HEXB: variants seen among roughly 807,000 people sequenced by gnomAD.
The protein encoded by HEXB is hexosaminidase subunit beta.
HEXB carries 51 observed loss-of-function variants against 71.2 expected under a neutral mutation model. The observed-to-expected ratio is 0.72, with a 90% CI of 0.57 to 0.90. The LOEUF is 0.90. Among genes scored for constraint, HEXB ranks in the 40% least tolerant of loss-of-function variants. The probability of loss-of-function intolerance (pLI) is 0.00; values close to 1 mark genes in which losing one functional copy is unlikely to be tolerated. For missense variants in HEXB, 617 were observed against 677.0 expected, an observed-to-expected ratio of 0.91 and a Z score of 0.98; for synonymous variants, 266 against 249.3, an observed-to-expected ratio of 1.07 and a Z score of -0.63.
At chr5:74,659,372 TCC>T (rs1232041893) in intron 1 of HEXB, among the ~76,000 whole-genome samples, 1 of 151,908 alleles carries the variant, frequency 6.6e-6, no homozygotes, top group African/African-American at 2.4e-5. Context: ...CAGCACACAA[TCC>T]CCAGTGCAGG....
In HEXB at chr5:74,671,800, A is replaced by G. The variant is rs191581021; in HGVS notation, c.-376-17528A>G. 3.9e-5 allele frequency among the ~76,000 whole-genome samples: 6 copies of G among 152,354 alleles called. No individual in the cohort carries two copies. The South Asian group carries it at 8.3e-4, about 21-fold the overall frequency. On this transcript the variant is annotated intron_variant, in intron 1 of 13. Transcript: ENST00000511181. ...ACTGATATTTTTTTCAAAGCTCTCA[A>G]GATGAGCCTGATGCACAGTGAGGTT...
chr5:74,689,558 A>G (rs1444118803), intron 2 of HEXB, 85 bp downstream of exon 2: 1 of 1,062,136 alleles, frequency 9.4e-7, no homozygotes, highest in Non-Finnish European at 1.5e-6. Context: ...CATGCTAGGA[A>G]CCACTGAGTT....
At position 74,700,001 on chromosome 5, in the gene HEXB, CTTTTTTTTTTTTT is replaced by C. The variant is rs58177670; in HGVS notation, c.669+2908_669+2920del. ...TTTTATATTATAAACTGTAAGTTTC[CTTTTTTTTTTTTT>C]TTTTTTTTTTTTGAGACAGTCTTGT... On this transcript the variant is annotated intron_variant, in intron 5 of 13. Transcript: ENST00000261416. Among the ~76,000 whole-genome samples the C allele has an allele frequency of 5.0e-4, 20 of 40,366 alleles. No homozygotes were observed. In the East Asian group the frequency reaches 0.013, roughly 26 times the overall value. 26.5% of individuals were successfully genotyped at this position (40,366 alleles called of 152,430 possible).
At chr5:74,687,210 T>C (rs2112125861) in intron 1 of HEXB, among the ~76,000 whole-genome samples, 1 of 152,344 alleles carries the variant, frequency 6.6e-6, no homozygotes, top group South Asian at 2.1e-4. Flanking sequence ...CATGTGAGCA[T>C]TCTAGGAACT....
intron 1 of HEXB, among the ~76,000 whole-genome samples, chr5:74,672,038 C>A (rs1748549848): frequency 6.6e-6 from 1 of 152,192 alleles, no homozygotes. Context: ...GGTCTGTGTG[C>A]TTTGTTCCTG....
At chr5:74,670,820 C>T (rs753978164) in intron 1 of HEXB, among the ~76,000 whole-genome samples, 4 of 152,184 alleles carry the variant, frequency 2.6e-5, no homozygotes, top group Admixed American at 6.5e-5. Context: ...AAGACCCACA[C>T]AGAGCCTGCT....
chr5:74,643,639 C>T (rs532912713), intron 1 of HEXB, among the ~76,000 whole-genome samples: 4 of 152,142 alleles, frequency 2.6e-5, no homozygotes, highest in Admixed American at 6.5e-5. Flanking sequence ...TTTGTTAGGC[C>T]GCAAAATAAG....
Position 74,721,153 on chromosome 5 carries a change from A to G in HEXB, c.1649A>G (p.Tyr550Cys). 6.2e-7 allele frequency: 1 copy of G among 1,613,306 alleles called. No individual in the cohort carries two copies. The highest frequency in any genetic ancestry group is 8.5e-7 in the Non-Finnish European group (1 of 1,179,360). ...GCTGCACAACCTCTTTATGCTGGAT[A>G]TTGTAACCATGAGAACATGTAAAAA... Reference protein sequence around the residue: ...GIAAQPLYAGYCNHENM With the variant: ...GIAAQPLYAGCCNHENM The change falls in exon 14 of 14, where the codon TAT becomes TGT. Residue 550 changes from tyrosine to cysteine, a missense_variant. Coordinates refer to ENST00000261416, the MANE Select transcript of HEXB (RefSeq NM_000521.4).
chr5:74,719,954 A>AAACAC (rs71600437), intron 11 of HEXB: 48 of 158,482 alleles, frequency 3.0e-4, no homozygotes, highest in Middle Eastern at 3.5e-3. Context: ...AAAAAAAAAA[A>AAACAC]ACACACACAT....
At chr5:74,717,176 CTCAA>C (rs550573223) in intron 9 of HEXB, among the ~76,000 whole-genome samples, 113 of 152,118 alleles carry the variant, frequency 7.4e-4, no homozygotes, top group African/African-American at 2.1e-3. Flanking sequence ...GTGAGACTGT[CTCAA>C]TCAATCAATC....
upstream of HEXB, among the ~76,000 whole-genome samples, chr5:74,684,736 G>A (rs1438372228): frequency 6.7e-6 from 1 of 148,900 alleles, no homozygotes; most frequent in East Asian, 2.0e-4. Context: ...GGAGTGCAGT[G>A]GTGCGATCTC....
At chr5:74,716,815 C>A in intron 9 of HEXB, 142 bp downstream of exon 9, 1 of 587,896 alleles carries the variant, frequency 1.7e-6, no homozygotes, top group Non-Finnish European at 3.1e-6. Flanking sequence ...ATACCCACTG[C>A]TTGCTTTAAA....
At position 74,721,256 on chromosome 5, in the gene HEXB, TG is replaced by T; in HGVS notation, c.*82del. On this transcript the variant is annotated 3_prime_UTR_variant, in exon 14 of 14. Transcript: ENST00000261416. ...AATCATGTAAAATAAGATATTAGAC[TG>T]TTTTTTGAATAAAATATTTTTATTG... 2 of 877,642 alleles carry T rather than the reference TG, an allele frequency of 2.3e-6. No homozygotes were observed. Among genetic ancestry groups the T allele is most frequent in the Non-Finnish European group, 3.5e-6 (2 of 569,510 alleles). The allele number at this position is 877,642 out of a possible 1,614,324, so 54.4% of individuals were successfully genotyped here. A position where few individuals can be genotyped will look rare whatever the true frequency, so the allele number is the denominator to read the frequency against.
intron 2 of HEXB, among the ~76,000 whole-genome samples, chr5:74,691,973 GA>G (rs139252890): frequency 0.012 from 1,876 of 152,216 alleles, 49 homozygotes; most frequent in African/African-American, 0.043. Flanking sequence ...CATATATTTA[GA>G]AAACCAAATT....
chr5:74,696,660 A>C (rs545098145), intron 3 of HEXB, 33 bp from the exon 4 acceptor site: 3 of 1,140,938 alleles, frequency 2.6e-6, no homozygotes, highest in Non-Finnish European at 4.0e-6. Context: ...TTGTTGATTT[A>C]TAAATTAATG....
chr5:74,703,949 G>A (rs1186476436), intron 5 of HEXB, among the ~76,000 whole-genome samples: 1 of 152,178 alleles, frequency 6.6e-6, no homozygotes, highest in Non-Finnish European at 1.5e-5. Flanking sequence ...AAAGTACTGG[G>A]GTTACAGATG....
At chr5:74,649,296 C>A (rs13180736) in intron 1 of HEXB, among the ~76,000 whole-genome samples, 9,991 of 152,224 alleles carry the variant, frequency 0.066, 390 homozygotes, top group Non-Finnish European at 0.09. Flanking sequence ...GCCACTGCCC[C>A]CTCTGTGCAC....
In HEXB at chr5:74,689,485, T is replaced by C. The variant is rs759628405; in HGVS notation, c.445+12T>C. ...TTCAGATGAGTCTTGTAAGTACCTA[T>C]GCAATGTGAGTGTATTATATCCCAG... On this transcript the variant is annotated intron_variant, in intron 2 of 13. Transcript: ENST00000261416. 8.4e-5 allele frequency: 135 copies of C among 1,611,086 alleles called. 5 individuals are homozygous for C. The South Asian group carries it at 1.5e-3, about 18-fold the overall frequency.
chr5:74,682,830 T>C (rs1033284084), upstream of HEXB, among the ~76,000 whole-genome samples: 1 of 152,194 alleles, frequency 6.6e-6, no homozygotes, highest in African/African-American at 2.4e-5. Context: ...TGTGATACCT[T>C]TCCTCATCCA....
Sources: allele counts gnomAD v4.1 joint callset (sites outside exome capture counted in the v4.1 genomes callset), GRCh38; gene constraint gnomAD v4.1.1; transcripts MANE v1.5; gene names NCBI Gene and HGNC (gene_info 2026-07-23, HGNC 2026-07-21).